The following LRRTM4 variants were observed in gnomAD, a reference collection of about 807,000 sequenced individuals.
LRRTM4 encodes the protein leucine rich repeat transmembrane neuronal 4.
A neutral mutation model predicts 47.6 loss-of-function variants in LRRTM4; 25 were observed. That is an observed-to-expected ratio of 0.53 (90% confidence interval 0.38 to 0.73). The LOEUF (loss-of-function observed/expected upper bound fraction) is 0.73, where lower values mean the gene tolerates loss of function less well. Ranked by LOEUF, LRRTM4 falls within the 30% of genes least tolerant of loss-of-function variation. The probability of loss-of-function intolerance (pLI) is 0.00; values close to 1 mark genes in which losing one functional copy is unlikely to be tolerated. For synonymous variants in LRRTM4, 311 were observed against 269.5 expected (o/e 1.15, Z -1.51); for missense variants, 638 against 713.4 (o/e 0.89, Z 1.20).
chr2:77,495,540 G>A (rs757017477), intron 3 of LRRTM4, among the ~76,000 whole-genome samples: 2 of 151,810 alleles, frequency 1.3e-5, no homozygotes, highest in Admixed American at 1.3e-4. Context: ...TTGCATTTAG[G>A]TCTATGATCC....
At chr2:77,273,540 G>T (rs1318730098) in intron 3 of LRRTM4, among the ~76,000 whole-genome samples, 1 of 152,050 alleles carries the variant, frequency 6.6e-6, no homozygotes, top group Non-Finnish European at 1.5e-5. Context: ...GAATATAAGT[G>T]GGGGTTATTA....
At chr2:77,301,227 T>A (rs946403269) in intron 3 of LRRTM4, among the ~76,000 whole-genome samples, 1 of 152,152 alleles carries the variant, frequency 6.6e-6, no homozygotes, top group African/African-American at 2.4e-5. Context: ...AAAAAATAGA[T>A]AATTTTGTGC....
intron 3 of LRRTM4, among the ~76,000 whole-genome samples, chr2:77,066,672 C>T (rs1379226886): frequency 6.6e-6 from 1 of 151,926 alleles, no homozygotes; most frequent in Non-Finnish European, 1.5e-5. Flanking sequence ...GTATACAAAT[C>T]GTATAGAGAT....
intron 3 of LRRTM4, among the ~76,000 whole-genome samples, chr2:76,772,541 G>C (rs1459397971): frequency 6.6e-6 from 1 of 152,132 alleles, no homozygotes; most frequent in African/African-American, 2.4e-5. Context: ...AACTGAACAT[G>C]ACAGTCTCAA....
At chr2:77,270,855 T>C (rs546953342) in intron 3 of LRRTM4, among the ~76,000 whole-genome samples, 1 of 152,334 alleles carries the variant, frequency 6.6e-6, no homozygotes, top group African/African-American at 2.4e-5. Flanking sequence ...TGTAACTACC[T>C]TTTTCTAATT....
intron 3 of LRRTM4, among the ~76,000 whole-genome samples, chr2:77,508,539 G>A (rs1018332944): frequency 1.3e-5 from 2 of 152,042 alleles, no homozygotes; most frequent in African/African-American, 4.8e-5. Flanking sequence ...TCAAGCAAAT[G>A]TAACATTATT....
chr2:77,159,461 C>G (rs978885315), intron 3 of LRRTM4, among the ~76,000 whole-genome samples: 5 of 146,628 alleles, frequency 3.4e-5, no homozygotes, highest in African/African-American at 1.3e-4. Flanking sequence ...ACATGGCACA[C>G]ATATACATAT....
chr2:77,157,872 G>A (rs183450147), intron 3 of LRRTM4, among the ~76,000 whole-genome samples: 8 of 152,248 alleles, frequency 5.3e-5, no homozygotes, highest in Admixed American at 3.3e-4. Context: ...GCCATCAGCA[G>A]ACTCCAGACT....
intron 3 of LRRTM4, among the ~76,000 whole-genome samples, chr2:76,780,327 G>T (rs1020800822): frequency 6.6e-6 from 1 of 152,222 alleles, no homozygotes; most frequent in African/African-American, 2.4e-5. Context: ...GATTGGGGAA[G>T]TTCTCCTGGA....
chr2:77,092,844 C>T (rs982390094), intron 3 of LRRTM4, among the ~76,000 whole-genome samples: 1 of 143,356 alleles, frequency 7.0e-6, no homozygotes, highest in Non-Finnish European at 1.5e-5. Context: ...TTCAGCGAAA[C>T]CTTTATATCC....
In LRRTM4 at chr2:76,963,925, C is replaced by T. The variant is rs190068547; in HGVS notation, c.1552-215009G>A. Among the ~76,000 whole-genome samples, 459 of 150,650 alleles carry T rather than the reference C, an allele frequency of 3.0e-3. 1 individual carries two copies. Among genetic ancestry groups the T allele is most frequent in the Non-Finnish European group, 5.0e-3 (332 of 67,054 alleles). On this transcript the variant is annotated intron_variant, in intron 3 of 3. Transcript: ENST00000409884. ...ATTAAATTTCTGAAAGTATATTACA[C>T]AAAACATGTCATTAATATTTTAATA...
chr2:77,118,653 T>C (rs1182644606), intron 3 of LRRTM4, among the ~76,000 whole-genome samples: 1 of 151,886 alleles, frequency 6.6e-6, no homozygotes, highest in Non-Finnish European at 1.5e-5. Context: ...ATAGACATGT[T>C]TCTGGGAAGA....
Position 77,518,812 on chromosome 2 carries a change from C to T in LRRTM4, c.1057G>A (p.Ala353Thr). The stretch of plus-strand genomic sequence containing the variant: ...GAACAGATATTATATGTTTCCACTG[C>T]ATCACTAACCTTTTCACCCTGGATG... ...KHIQGEKVSDAVETYNICSEV... is the reference protein window; with the variant it reads ...KHIQGEKVSDTVETYNICSEV... Residue 353 changes from alanine to threonine, a missense_variant, in exon 3 of 4, where the codon GCA becomes ACA. Physicochemically the swap from Ala to Thr is moderately conservative, Grantham distance 58. Coordinates refer to ENST00000409884, the MANE Select transcript of LRRTM4 (RefSeq NM_001134745.3). The T allele has an allele frequency of 6.2e-7, 1 of 1,611,616 alleles. No homozygotes were observed. Among genetic ancestry groups the T allele is most frequent in the Non-Finnish European group, 8.5e-7 (1 of 1,178,714 alleles).
intron 3 of LRRTM4, among the ~76,000 whole-genome samples, chr2:76,792,205 T>C (rs1045365533): frequency 1.3e-5 from 2 of 152,212 alleles, no homozygotes; most frequent in Admixed American, 1.3e-4. Context: ...ACCTGTAGTA[T>C]AATTATGTTT....
intron 3 of LRRTM4, among the ~76,000 whole-genome samples, chr2:76,984,724 A>C (rs553474597): frequency 6.6e-6 from 1 of 151,988 alleles, no homozygotes. Flanking sequence ...AATTACCACT[A>C]AACTGCTATT....
chr2:77,457,022 AT>A (rs1558752046), intron 3 of LRRTM4, among the ~76,000 whole-genome samples: 5 of 20,736 alleles, frequency 2.4e-4, no homozygotes, highest in East Asian at 1.9e-3. Context: ...ATATATATAT[AT>A]ATATATATAT....
At chr2:77,428,222 A>G (rs1224837140) in intron 3 of LRRTM4, among the ~76,000 whole-genome samples, 1 of 152,140 alleles carries the variant, frequency 6.6e-6, no homozygotes, top group Non-Finnish European at 1.5e-5. Flanking sequence ...TCCTTTATAA[A>G]TTACCTAGTC....
At chr2:77,305,710 TATG>T (rs145994999) in intron 3 of LRRTM4, among the ~76,000 whole-genome samples, 5,376 of 152,230 alleles carry the variant, frequency 0.035, 320 homozygotes, top group African/African-American at 0.12. Flanking sequence ...GACTTTTTGA[TATG>T]ATACCTCAAA....
chr2:76,892,055 T>G (rs1420422398), intron 3 of LRRTM4, among the ~76,000 whole-genome samples: 1 of 151,674 alleles, frequency 6.6e-6, no homozygotes, highest in Admixed American at 6.6e-5. Flanking sequence ...AAATGAGTAA[T>G]TTTAATATTG....
Sources: gnomAD v4.1 joint callset for allele counts (sites outside exome capture counted in the v4.1 genomes callset) on GRCh38, gnomAD v4.1.1 for gene constraint, MANE v1.5 for transcripts, NCBI Gene and HGNC (gene_info 2026-07-23, HGNC 2026-07-21) for gene names.